Variants in C8B observed in about 807,000 individuals in gnomAD.
C8B encodes the protein complement C8 beta chain.
In C8B, 67 loss-of-function variants were observed where a neutral mutation model predicts 64.6. That is an observed-to-expected ratio of 1.04 (90% CI 0.85 to 1.27). The LOEUF (loss-of-function observed/expected upper bound fraction) is 1.27, where lower values mean the gene tolerates loss of function less well. Among genes scored for constraint, C8B ranks in the 50% most tolerant of loss-of-function variants. The probability of loss-of-function intolerance (pLI) is 0.00; values close to 1 mark genes in which losing one functional copy is unlikely to be tolerated. For synonymous variants in C8B, 284 were observed against 257.7 expected, an observed-to-expected ratio of 1.10 and a Z score of -0.98; for missense variants, 790 against 725.2, an observed-to-expected ratio of 1.09 and a Z score of -1.03.
At chr1:56,937,741 A>G (rs1644795523) in intron 9 of C8B, among the ~76,000 whole-genome samples, 1 of 150,680 alleles carries the variant, frequency 6.6e-6, no homozygotes, top group South Asian at 2.1e-4. Flanking sequence ...ATTATTCCTT[A>G]TTTACCTGAA....
chr1:56,943,545 A>T, intron 8 of C8B, 151 bp downstream of exon 8: 1 of 883,724 alleles, frequency 1.1e-6, no homozygotes, highest in Non-Finnish European at 1.9e-6. Context: ...GCGATATGTT[A>T]GATGGTAAAA....
In C8B at chr1:56,965,972, C is replaced by T. The variant is rs1645250871; in HGVS notation, c.-24G>A. 1 of 1,613,184 alleles carries T rather than the reference C, an allele frequency of 6.2e-7. No individual in the cohort carries two copies. Among genetic ancestry groups the T allele is most frequent in the Non-Finnish European group, 8.5e-7 (1 of 1,179,976 alleles). On this transcript the variant is annotated 5_prime_UTR_variant, in exon 1 of 12. Transcript: ENST00000371237. ...ATTTTCCCAATGTGACAGGAGATGC[C>T]ACAGAGGCTGCTAGACCCATAACAA...
chr1:56,943,878 C>G, intron 7 of C8B, 54 bp from the exon 8 acceptor site: 1 of 1,605,718 alleles, frequency 6.2e-7, no homozygotes, highest in Non-Finnish European at 8.5e-7. Context: ...CACTCTGTCC[C>G]TTTTCCTATG....
chr1:56,939,337 C>T (rs1644817524), intron 9 of C8B, among the ~76,000 whole-genome samples: 1 of 152,182 alleles, frequency 6.6e-6, no homozygotes, highest in Non-Finnish European at 1.5e-5. Flanking sequence ...GCAACTGTAC[C>T]CTAAGTGCCA....
intron 5 of C8B, among the ~76,000 whole-genome samples, chr1:56,951,541 C>T (rs1414068887): frequency 6.6e-6 from 1 of 152,226 alleles, no homozygotes; most frequent in South Asian, 2.1e-4. Context: ...TAGAGTAATG[C>T]CTGCTTTTAA....
At chr1:56,956,102 A>T (rs617283) in intron 3 of C8B, among the ~76,000 whole-genome samples, 8,141 of 152,006 alleles carry the variant, frequency 0.054, 206 homozygotes, top group Middle Eastern at 0.071. Context: ...TCATGGATTA[A>T]GGATCATCTT....
chr1:56,935,174 T>C (rs1041392279), intron 9 of C8B, among the ~76,000 whole-genome samples: 1 of 152,200 alleles, frequency 6.6e-6, no homozygotes, highest in Non-Finnish European at 1.5e-5. Flanking sequence ...TGATTATTGA[T>C]AAAAATGGCT....
rs1411119033 is a variant in C8B, at chr1:56,949,741, T to C, written c.678A>G (p.Lys226=). 6.2e-7 allele frequency: 1 copy of C among 1,612,762 alleles called. No individual in the cohort carries two copies. The highest frequency in any genetic ancestry group is 1.7e-5 in the Admixed American group (1 of 60,012). ...CATACTCTTTTAATATGAATTCGTA[T>C]TTGCCTTGGGTCTAAAGAAGAAAAA... ...VESYTPQTQG[K]YEFILKEYES... Residue 226 remains lysine (K), a synonymous_variant, in exon 6 of 12, where the codon AAA becomes AAG. Coordinates refer to ENST00000371237, the MANE Select transcript of C8B (RefSeq NM_000066.4).
chr1:56,943,018 C>A (rs911913754), intron 8 of C8B, among the ~76,000 whole-genome samples: 1 of 151,790 alleles, frequency 6.6e-6, no homozygotes, highest in Non-Finnish European at 1.5e-5. Flanking sequence ...ATTGCCTGAG[C>A]CCCGAAGGTG....
intron 1 of C8B, among the ~76,000 whole-genome samples, chr1:56,960,688 C>A (rs905623253): frequency 1.3e-5 from 2 of 152,064 alleles, no homozygotes; most frequent in African/African-American, 4.8e-5. Flanking sequence ...ATGGGGAGAA[C>A]CAGCATATGA....
intron 8 of C8B, among the ~76,000 whole-genome samples, chr1:56,941,901 A>G (rs1432911996): frequency 4.6e-5 from 7 of 152,242 alleles, no homozygotes; most frequent in African/African-American, 1.7e-4. Flanking sequence ...CACCTTGACC[A>G]GGCATGAGTC....
In C8B at chr1:56,945,915, G is replaced by T; in HGVS notation, c.1011C>A (p.Phe337Leu). ...EYSYGEYRDL[F>L]RDFGTHYITE... Reference sequence around the variant, plus strand: ...TGATGTAGTGGGTCCCAAAATCACGGAAGAGATCTCTGTATTCCCCGTAGC... The same window carrying T: ...TGATGTAGTGGGTCCCAAAATCACGTAAGAGATCTCTGTATTCCCCGTAGC... The change falls in exon 7 of 12, where the codon TTC (phenylalanine) becomes TTA (leucine). Residue 337 changes from phenylalanine (F) to leucine (L), a missense_variant. Transcript: ENST00000371237. 1.2e-6 allele frequency: 2 copies of T among 1,614,144 alleles called. No homozygotes were observed. Among genetic ancestry groups the T allele is most frequent in the Non-Finnish European group, 1.7e-6 (2 of 1,180,026 alleles).
intron 8 of C8B, among the ~76,000 whole-genome samples, chr1:56,941,833 G>A (rs1191167024): frequency 6.6e-6 from 1 of 152,194 alleles, no homozygotes; most frequent in East Asian, 1.9e-4. Context: ...TGCAGGTAAA[G>A]TGTAGTGGAG....
intron 10 of C8B, 60 bp downstream of exon 10, chr1:56,933,275 C>T (rs1412887389): frequency 1.4e-6 from 2 of 1,437,760 alleles, no homozygotes; most frequent in Non-Finnish European, 2.0e-6. Flanking sequence ...AAATGGCTGG[C>T]CCCCGGCCTG....
intron 7 of C8B, among the ~76,000 whole-genome samples, chr1:56,944,201 TTTGATAAAG>T (rs1460608222): frequency 2.0e-5 from 3 of 151,010 alleles, no homozygotes; most frequent in Non-Finnish European, 4.4e-5. Context: ...TTCTCCAATC[TTTGATAAAG>T]TAGAAAAAGT....
chr1:56,954,408 C>G (rs1189437454), intron 4 of C8B, among the ~76,000 whole-genome samples: 1 of 152,216 alleles, frequency 6.6e-6, no homozygotes, highest in East Asian at 1.9e-4. Flanking sequence ...CCTACCCCAG[C>G]CCTTGCATAG....
chr1:56,937,668 CA>C (rs1644794282), intron 9 of C8B, among the ~76,000 whole-genome samples: 1 of 151,838 alleles, frequency 6.6e-6, no homozygotes, highest in South Asian at 2.1e-4. Context: ...GATTAAAAAA[CA>C]AATAATTTTT....
In C8B at chr1:56,946,040, G is replaced by T. The variant is rs147180727; in HGVS notation, c.886C>A (p.Arg296Ser). 10 of 1,614,008 alleles carry T rather than the reference G, an allele frequency of 6.2e-6. No homozygotes were observed. Among genetic ancestry groups the T allele is most frequent in the Non-Finnish European group, 8.5e-6 (10 of 1,180,018 alleles). Residue 296 changes from arginine to serine, a missense_variant, in exon 7 of 12, where the codon CGC becomes AGC. By Grantham distance (110) the Arg-to-Ser change is moderately radical. Coordinates refer to ENST00000371237, the MANE Select transcript of C8B (RefSeq NM_000066.4). ...SHTKSVFLHA[R>S]SDLEVAHYKL... Reference sequence around the variant, plus strand: ...TAATGTGCTACTTCAAGGTCAGAGCGTGCATGCAGAAATACGCTTTTCTAA... The same window carrying T: ...TAATGTGCTACTTCAAGGTCAGAGCTTGCATGCAGAAATACGCTTTTCTAA...
chr1:56,931,630 A>G (rs1644702357), intron 11 of C8B, 180 bp downstream of exon 11: 9 of 600,544 alleles, frequency 1.5e-5, no homozygotes, highest in South Asian at 1.0e-4. Context: ...AATGAAATGC[A>G]TAACAATCAA....
Sources: allele counts gnomAD v4.1 joint callset (sites outside exome capture counted in the v4.1 genomes callset), GRCh38; gene constraint gnomAD v4.1.1; transcripts MANE v1.5; gene names NCBI Gene and HGNC (gene_info 2026-07-23, HGNC 2026-07-21).